The following SCAF11 variants were observed in gnomAD, a reference collection of about 807,000 sequenced individuals.
The protein encoded by SCAF11 is SR-related CTD associated factor 11, also known as protein SCAF11.
In SCAF11, 47 loss-of-function variants were observed where a neutral mutation model predicts 140.5. The observed-to-expected ratio is 0.33, with a 90% confidence interval of 0.26 to 0.43. The LOEUF (loss-of-function observed/expected upper bound fraction) is 0.43. Among genes scored for constraint, SCAF11 ranks in the 20% least tolerant of loss-of-function variants. SCAF11 has a pLI of 1.00. For synonymous variants in SCAF11, 557 were observed against 579.4 expected (o/e 0.96, Z 0.55); for missense variants, 1,645 against 1,705.1 (o/e 0.96, Z 0.62).
intron 6 of SCAF11, among the ~76,000 whole-genome samples, chr12:45,936,012 T>C (rs1048258567): frequency 3.9e-5 from 6 of 152,164 alleles, no homozygotes; most frequent in Admixed American, 6.5e-5. Context: ...TCCAAACTTA[T>C]AAAGAAAAAT....
intron 6 of SCAF11, among the ~76,000 whole-genome samples, chr12:45,939,341 A>G (rs1945242181): frequency 6.6e-6 from 1 of 152,182 alleles, no homozygotes; most frequent in African/African-American, 2.4e-5. Flanking sequence ...GACTTCAGAT[A>G]GAAAGTCACA....
Position 45,923,054 on chromosome 12 carries a change from C to T in SCAF11, c.4007G>A (p.Ser1336Asn), listed in dbSNP as rs753062867. Residue 1336 changes from serine (S) to asparagine (N), a missense_variant, in exon 13 of 15, where the codon AGT becomes AAT. Physicochemically the swap from Ser to Asn is conservative, Grantham distance 46 (BLOSUM62 1). Around this residue, in one of 2 missense-constraint regions of SCAF11, gnomAD observed 1,582 missense variants for 1,609.2 expected, o/e 0.98. Coordinates refer to ENST00000369367, the MANE Select transcript of SCAF11 (RefSeq NM_004719.3). Reference protein sequence around the residue: ...PGNTGMVQGPSSGNTSSSSHS... With the variant: ...PGNTGMVQGPNSGNTSSSSHS... ...ACTTGATGACGAAGTATTACCAGAA[C>T]TTGGTCCCTGAACCATTCCCGTATT... The T allele has an allele frequency of 1.7e-4, 267 of 1,614,058 alleles. No homozygotes were observed. The highest frequency in any genetic ancestry group is 2.2e-4 in the Non-Finnish European group (260 of 1,180,044).
At position 45,931,602 on chromosome 12, in the gene SCAF11, T is replaced by C; in HGVS notation, c.745A>G (p.Ile249Val). 1 of 1,504,976 alleles carries C rather than the reference T, an allele frequency of 6.6e-7. No homozygotes were observed. The allele number at this position is 1,504,976 out of a possible 1,614,324, so 93.2% of individuals were successfully genotyped here. The change falls in exon 10 of 15, where the codon ATA becomes GTA. Residue 249 changes from isoleucine (I) to valine (V), a missense_variant. By Grantham distance (29) the Ile-to-Val change is conservative. Coordinates refer to ENST00000369367, the MANE Select transcript of SCAF11 (RefSeq NM_004719.3). ...TLPGIGRIGF[I>V]PWNVETEVLP... ...ACTTCTGTTTCAACATTCCAGGGTA[T>C]AAAACCAATTCTGAAAACATAATAA...
At chr12:45,945,347 GA>G (rs933421175) in intron 5 of SCAF11, 34 bp from the exon 6 acceptor site, 27 of 1,230,908 alleles carry the variant, frequency 2.2e-5, no homozygotes, top group Non-Finnish European at 2.9e-5. Flanking sequence ...AAAGAATTAA[GA>G]AAAAAACTGT....
At chr12:45,965,001 T>C (rs1320428930) in intron 1 of SCAF11, among the ~76,000 whole-genome samples, 1 of 151,782 alleles carries the variant, frequency 6.6e-6, no homozygotes, top group Non-Finnish European at 1.5e-5. Flanking sequence ...GAGGAGGGGG[T>C]TGGCATGTAA....
chr12:45,982,150 T>C (rs1329224590), intron 1 of SCAF11, among the ~76,000 whole-genome samples: 3 of 152,206 alleles, frequency 2.0e-5, no homozygotes, highest in Non-Finnish European at 2.9e-5. Flanking sequence ...AGCTATTTCG[T>C]TTCATCCATC....
chr12:45,984,318 G>C (rs1946414824), intron 1 of SCAF11, among the ~76,000 whole-genome samples: 1 of 151,874 alleles, frequency 6.6e-6, no homozygotes, highest in Non-Finnish European at 1.5e-5. Flanking sequence ...TTTTTTTTCA[G>C]ATGTAGTTTT....
At chr12:45,944,981 T>C in intron 6 of SCAF11, 1 of 418,746 alleles carries the variant, frequency 2.4e-6, no homozygotes, top group Non-Finnish European at 4.2e-6. Context: ...CAGTATGAGC[T>C]GGTCAACACC....
chr12:45,963,745 G>A (rs1945876456), intron 2 of SCAF11, among the ~76,000 whole-genome samples: 2 of 152,092 alleles, frequency 1.3e-5, no homozygotes, highest in Non-Finnish European at 2.9e-5. Context: ...AGCATTCTTG[G>A]GTTCTTCTTC....
chr12:45,940,723 G>C (rs980795311), intron 6 of SCAF11, among the ~76,000 whole-genome samples: 1 of 152,190 alleles, frequency 6.6e-6, no homozygotes, highest in Non-Finnish European at 1.5e-5. Flanking sequence ...ATCTAAAACA[G>C]TTTCACCGCA....
intron 12 of SCAF11, 99 bp from the exon 13 acceptor site, chr12:45,923,253 C>A: frequency 3.0e-6 from 3 of 995,092 alleles, no homozygotes; most frequent in South Asian, 1.5e-5. Context: ...CAAAGCAAAC[C>A]AACCTTAGTA....
chr12:45,971,356 T>C (rs1236783790), intron 1 of SCAF11, among the ~76,000 whole-genome samples: 2 of 152,224 alleles, frequency 1.3e-5, no homozygotes, highest in Non-Finnish European at 2.9e-5. Flanking sequence ...TAAGATGGAA[T>C]AAACACATCC....
chr12:45,923,829 G>A (rs1011297240), intron 12 of SCAF11, among the ~76,000 whole-genome samples: 2 of 151,330 alleles, frequency 1.3e-5, no homozygotes, highest in Non-Finnish European at 2.9e-5. Flanking sequence ...TTACAGGAAT[G>A]CATCACCGCG....
Position 45,948,401 on chromosome 12 carries a change from C to T in SCAF11, c.398+36G>A, listed in dbSNP as rs367857122. 4.6e-5 allele frequency: 63 copies of T among 1,362,446 alleles called. No individual in the cohort carries two copies. The African/African-American group carries it at 7.8e-4, about 17-fold the overall frequency. 84.4% of individuals were successfully genotyped at this position (1,362,446 alleles called of 1,614,324 possible). On this transcript the variant is annotated intron_variant, in intron 5 of 14. Transcript: ENST00000369367. ...TTTGTACTAGTTAACTTCTGTTCCA[C>T]TCATTTGCATTCCACTTCTAAAGTT...
At chr12:45,930,453 TTTG>T (rs1945015280) in intron 10 of SCAF11, among the ~76,000 whole-genome samples, 3 of 149,162 alleles carry the variant, frequency 2.0e-5, no homozygotes, top group South Asian at 4.2e-4. Flanking sequence ...TTGTTTTTTT[TTTG>T]TTTTTTTTTT....
chr12:45,926,021 A>AC, intron 11 of SCAF11, 121 bp downstream of exon 11: 1 of 1,020,566 alleles, frequency 9.8e-7, no homozygotes, highest in South Asian at 1.8e-5. Context: ...CTTGTAAACA[A>AC]CTAAGGTTCA....
upstream of SCAF11, chr12:45,990,666 G>A: frequency 1.9e-6 from 2 of 1,077,688 alleles, no homozygotes; most frequent in Admixed American, 4.3e-5. Context: ...GCGCGCTAAG[G>A]TGACGACGGC....
chr12:45,961,882 T>G (rs1565682621), intron 2 of SCAF11, 25 bp from the exon 3 acceptor site: 1 of 1,566,734 alleles, frequency 6.4e-7, no homozygotes, highest in Non-Finnish European at 8.6e-7. Context: ...CAGCCATATG[T>G]GCTTTCAAGT....
intron 3 of SCAF11, chr12:45,960,598 ACCTAT>A (rs1314272649): frequency 6.6e-6 from 1 of 152,084 alleles, no homozygotes; most frequent in Non-Finnish European, 1.5e-5. Context: ...ATACATTTTC[ACCTAT>A]CCTGTCACTT....
Sources: gnomAD v4.1 joint callset for allele counts (sites outside exome capture counted in the v4.1 genomes callset) on GRCh38, gnomAD v4.1.1 for gene constraint, gnomAD v4.1.1 regional missense constraint, MANE v1.5 for transcripts, NCBI Gene and HGNC (gene_info 2026-07-23, HGNC 2026-07-21) for gene names.